The following PLA2G4E variants were observed in gnomAD, a reference collection of about 807,000 sequenced individuals.
PLA2G4E encodes phospholipase A2 group IVE.
A neutral mutation model predicts 109.1 loss-of-function variants in PLA2G4E; 84 were observed. The ratio of observed to expected loss-of-function variants is 0.77; its 90% CI spans 0.65 to 0.92. PLA2G4E has a LOEUF of 0.92. Among genes scored for constraint, PLA2G4E ranks in the 40% least tolerant of loss-of-function variants. PLA2G4E has a pLI of 0.00. For synonymous variants in PLA2G4E, 469 were observed against 436.1 expected (o/e 1.08, Z -0.94); for missense variants, 1,057 against 1,076.6 (o/e 0.98, Z 0.25).
exon 8 of PLA2G4E, chr15:42,000,210 C>A: frequency 1.9e-6 from 3 of 1,590,694 alleles, no homozygotes; most frequent in Non-Finnish European, 2.6e-6. Flanking sequence ...GGTTGGGCAG[C>A]AGGGTTCCAA....
At chr15:42,040,536 A>G (rs563725128) in intron 1 of PLA2G4E, among the ~76,000 whole-genome samples, 74 of 152,264 alleles carry the variant, frequency 4.9e-4, no homozygotes, top group Non-Finnish European at 1.2e-4. Flanking sequence ...CTGACTGTAC[A>G]GTTTTCAGAT....
intron 1 of PLA2G4E, among the ~76,000 whole-genome samples, chr15:42,045,536 G>A (rs1481263206): frequency 6.6e-6 from 1 of 152,232 alleles, no homozygotes; most frequent in Non-Finnish European, 1.5e-5. Context: ...CTTTCTGAGA[G>A]TATTTACTGA....
chr15:41,996,331 G>C (rs1458744833), intron 11 of PLA2G4E, among the ~76,000 whole-genome samples: 2 of 118,086 alleles, frequency 1.7e-5, no homozygotes, highest in African/African-American at 6.6e-5. Context: ...CTGGGTGACA[G>C]AGCAAGACCC....
chr15:42,012,430 T>C (rs11632711), intron 2 of PLA2G4E, among the ~76,000 whole-genome samples: 72,565 of 152,008 alleles, frequency 0.48, 18,015 homozygotes, highest in South Asian at 0.62. Context: ...ATTAACCTCT[T>C]GTTGCAAAAT....
At chr15:41,986,003 T>C (rs1394146067) in exon 18 of PLA2G4E, 1 of 1,590,242 alleles carries the variant, frequency 6.3e-7, no homozygotes, top group Non-Finnish European at 8.6e-7. Context: ...TCTAGCACTG[T>C]GTCTGAAAGC....
chr15:42,007,670 T>C (rs560267183), intron 3 of PLA2G4E, 59 bp downstream of exon 3: 3 of 1,551,812 alleles, frequency 1.9e-6, no homozygotes, highest in African/African-American at 1.4e-5. Flanking sequence ...GAAGGACAAG[T>C]GGGCAAGAGG....
chr15:41,990,857 C>T (rs1414831228), intron 13 of PLA2G4E, among the ~76,000 whole-genome samples: 1 of 151,214 alleles, frequency 6.6e-6, no homozygotes, highest in African/African-American at 2.4e-5. Context: ...GGGCCACAGT[C>T]CACCTCCCAA....
chr15:42,008,878 A>G (rs575078818), intron 2 of PLA2G4E: 6 of 152,330 alleles, frequency 3.9e-5, no homozygotes, highest in Admixed American at 6.5e-5. Context: ...GGAGTTCTAC[A>G]CTGGTAGGAC....
At chr15:41,983,722 G>A (rs2068094322) in exon 20 of PLA2G4E, 2 of 1,532,114 alleles carry the variant, frequency 1.3e-6, no homozygotes, top group Non-Finnish European at 1.8e-6. Context: ...GATGGTAGAA[G>A]CTGACACAGA....
intron 1 of PLA2G4E, among the ~76,000 whole-genome samples, chr15:42,045,979 C>T (rs552960868): frequency 6.6e-6 from 1 of 152,276 alleles, no homozygotes; most frequent in South Asian, 2.1e-4. Flanking sequence ...TAAGGGGCAT[C>T]TCTCAGTTAC....
chr15:42,001,868 T>C (rs1227604331), intron 6 of PLA2G4E, among the ~76,000 whole-genome samples: 1 of 152,120 alleles, frequency 6.6e-6, no homozygotes, highest in Non-Finnish European at 1.5e-5. Flanking sequence ...ATTTTTGTAT[T>C]TTTTTGTAGG....
intron 1 of PLA2G4E, among the ~76,000 whole-genome samples, chr15:42,021,040 T>G (rs1233565311): frequency 2.0e-5 from 3 of 151,736 alleles, no homozygotes; most frequent in Non-Finnish European, 4.4e-5. Flanking sequence ...TCACGGCAGC[T>G]CTCCAGCTGG....
At chr15:42,047,062 G>A (rs979888009) in intron 1 of PLA2G4E, among the ~76,000 whole-genome samples, 2 of 152,208 alleles carry the variant, frequency 1.3e-5, no homozygotes, top group Admixed American at 1.3e-4. Flanking sequence ...AGACTGGTGA[G>A]TGTCTCAGTC....
intron 1 of PLA2G4E, among the ~76,000 whole-genome samples, chr15:42,028,407 A>ATTTCTTTC (rs754676145): frequency 1.5e-4 from 21 of 139,830 alleles, no homozygotes; most frequent in East Asian, 1.2e-3. Context: ...TTATTTATTT[A>ATTTCTTTC]TTTATTTATT....
chr15:41,985,272 C>A (rs956304785), intron 18 of PLA2G4E, among the ~76,000 whole-genome samples: 2 of 152,188 alleles, frequency 1.3e-5, no homozygotes, highest in African/African-American at 4.8e-5. Context: ...AGATTGTTTT[C>A]ATTGTTGCCC....
intron 2 of PLA2G4E, among the ~76,000 whole-genome samples, chr15:42,010,646 A>C (rs1261043996): frequency 6.6e-6 from 1 of 152,218 alleles, no homozygotes; most frequent in East Asian, 1.9e-4. Flanking sequence ...TGGGTGGCAG[A>C]GATGACTCAA....
At chr15:42,018,956 C>T (rs923039554) in intron 1 of PLA2G4E, among the ~76,000 whole-genome samples, 8 of 152,224 alleles carry the variant, frequency 5.3e-5, no homozygotes, top group Non-Finnish European at 7.3e-5. Flanking sequence ...CTGGCAGGCC[C>T]AGCTGGGCTG....
At chr15:42,015,657 G>A (rs2068586662) in intron 1 of PLA2G4E, among the ~76,000 whole-genome samples, 1 of 152,232 alleles carries the variant, frequency 6.6e-6, no homozygotes. Flanking sequence ...AGGCAACAGC[G>A]GCCAGTGGCT....
chr15:41,982,949 G>A (rs1404910841), exon 20 of PLA2G4E: 5 of 152,100 alleles, frequency 3.3e-5, no homozygotes, highest in South Asian at 2.1e-4. Context: ...TTAATACTCC[G>A]ATTCATAAAA....
Sources: allele counts gnomAD v4.1 joint callset (sites outside exome capture counted in the v4.1 genomes callset), GRCh38; gene constraint gnomAD v4.1.1; transcripts MANE v1.5; gene names NCBI Gene and HGNC (gene_info 2026-07-23, HGNC 2026-07-21).